TP53BP2: variants seen among roughly 807,000 people sequenced by gnomAD.
TP53BP2 encodes tumor protein p53 binding protein 2, also known as apoptosis-stimulating of p53 protein 2.
In TP53BP2, 62 loss-of-function variants were observed where a neutral mutation model predicts 126.2. The observed-to-expected ratio is 0.49, with a 90% CI of 0.40 to 0.61. TP53BP2 has a LOEUF of 0.61. TP53BP2 is among the 20% of genes least tolerant of loss of function. TP53BP2 has a pLI of 0.00. For missense variants in TP53BP2, 1,215 were observed against 1,402.8 expected, an observed-to-expected ratio of 0.87 and a Z score of 2.14; for synonymous variants, 485 against 502.9, an observed-to-expected ratio of 0.96 and a Z score of 0.48.
intron 2 of TP53BP2, among the ~76,000 whole-genome samples, chr1:223,816,831 G>A (rs1287981981): frequency 6.6e-6 from 1 of 150,480 alleles, no homozygotes; most frequent in Non-Finnish European, 1.5e-5. Context: ...ACATCATGTT[G>A]TATACCTTAA....
chr1:223,815,347 T>G (rs190268093), intron 2 of TP53BP2, among the ~76,000 whole-genome samples: 2 of 152,174 alleles, frequency 1.3e-5, no homozygotes, highest in African/African-American at 4.8e-5. Context: ...TGAGTTGACA[T>G]AGATAATCCC....
chr1:223,800,866 G>C (rs1442229911), intron 9 of TP53BP2, 56 bp from the exon 10 acceptor site: 4 of 1,254,538 alleles, frequency 3.2e-6, no homozygotes, highest in Non-Finnish European at 3.4e-6. Flanking sequence ...GATTTTTAAT[G>C]ATTTTTACTG....
In TP53BP2 at chr1:223,821,345, C is replaced by T. The variant is rs749482825; in HGVS notation, c.50G>A (p.Ser17Asn). ...TTCTGTGAAGTGCTGCTCATTGTTA[C>T]TGAGATACACGGTAAGAAACATCTA... ...MMPMFLTVYL[S>N]NNEQHFTEVP... Residue 17 changes from serine (S) to asparagine (N), a missense_variant, in exon 2 of 18, where the codon AGT (serine) becomes AAT (asparagine). This residue lies in a region of TP53BP2 where 814 missense variants were observed against 853.0 expected (regional missense o/e 0.95). Transcript: ENST00000343537. 6.2e-7 allele frequency: 1 copy of T among 1,614,036 alleles called. No individual in the cohort carries two copies. Among genetic ancestry groups the T allele is most frequent in the Admixed American group, 1.7e-5 (1 of 60,028 alleles).
At chr1:223,792,634 T>A in intron 14 of TP53BP2, 112 bp from the exon 15 acceptor site, 9 of 1,034,660 alleles carry the variant, frequency 8.7e-6, no homozygotes, top group Non-Finnish European at 1.2e-5. Context: ...GTGACACTTT[T>A]AAAAATCATA....
At chr1:223,782,558 C>T (rs573955948) in intron 17 of TP53BP2, among the ~76,000 whole-genome samples, 3 of 152,164 alleles carry the variant, frequency 2.0e-5, no homozygotes, top group Non-Finnish European at 4.4e-5. Flanking sequence ...TCTCGGCTCA[C>T]CACAACCTCT....
Position 223,845,852 on chromosome 1 carries a change from A to C in TP53BP2, c.-172T>G. On this transcript the variant is annotated 5_prime_UTR_variant, in exon 1 of 18. Coordinates refer to ENST00000343537, the MANE Select transcript of TP53BP2 (RefSeq NM_001031685.3). ...CCTCCGCGCGGGCTGGGGCACCAACAAGCCCCGGGCTCCCCCGCCCCGGCC... is the reference window on the plus strand; with the variant it reads ...CCTCCGCGCGGGCTGGGGCACCAACCAGCCCCGGGCTCCCCCGCCCCGGCC... The C allele has an allele frequency of 1.2e-5, 5 of 413,976 alleles. No homozygotes were observed. Among genetic ancestry groups the C allele is most frequent in the Non-Finnish European group, 1.2e-5 (3 of 260,540 alleles). 25.6% of individuals were successfully genotyped at this position (413,976 alleles called of 1,614,324 possible). A position where few individuals can be genotyped will look rare whatever the true frequency, so the allele number is the denominator to read the frequency against.
At position 223,798,567 on chromosome 1, in the gene TP53BP2, T is replaced by A. The variant is rs112223928; in HGVS notation, c.1596A>T (p.Pro532=). 3.1e-6 allele frequency: 5 copies of A among 1,614,212 alleles called. No homozygotes were observed. The highest frequency in any genetic ancestry group is 1.3e-5 in the African/African-American group (1 of 75,058). Residue 532 remains proline (P), a synonymous_variant, in exon 12 of 18, where the codon CCA becomes CCT. Transcript: ENST00000343537. ...QTNQPPSDIK[P]DGSSQQLSTV... ...TTGACAACTGCTGAGAACTTCCGTCTGGCTTAATGTCTGAAGGTGGCTGAT... is the reference window on the plus strand; with the variant it reads ...TTGACAACTGCTGAGAACTTCCGTCAGGCTTAATGTCTGAAGGTGGCTGAT...
intron 12 of TP53BP2, 57 bp downstream of exon 12, chr1:223,798,158 G>A: frequency 1.3e-6 from 2 of 1,501,208 alleles, no homozygotes; most frequent in Non-Finnish European, 1.8e-6. Context: ...GCTGAGGGAT[G>A]GCTTAAGTTC....
intron 13 of TP53BP2, 100 bp downstream of exon 13, chr1:223,795,715 A>G: frequency 8.5e-7 from 1 of 1,180,064 alleles, no homozygotes; most frequent in Non-Finnish European, 1.1e-6. Context: ...AGGGAATCGT[A>G]AAATAAAAAT....
intron 5 of TP53BP2, among the ~76,000 whole-genome samples, chr1:223,806,085 C>T (rs1427807241): frequency 1.4e-5 from 2 of 146,978 alleles, no homozygotes; most frequent in Non-Finnish European, 2.9e-5. Flanking sequence ...AAAGAATGTT[C>T]CCCAAATAAA....
At chr1:223,825,026 A>ACACACAC (rs1663440274) in intron 1 of TP53BP2, among the ~76,000 whole-genome samples, 1 of 143,470 alleles carries the variant, frequency 7.0e-6, no homozygotes, top group African/African-American at 2.6e-5. Flanking sequence ...TCCAACACCA[A>ACACACAC]ACACACACAC....
At chr1:223,783,470 TCTCA>T (rs1316268993) in intron 17 of TP53BP2, among the ~76,000 whole-genome samples, 1 of 152,216 alleles carries the variant, frequency 6.6e-6, no homozygotes, top group East Asian at 1.9e-4. Flanking sequence ...TGATCATTTC[TCTCA>T]CTCTTTCATA....
In TP53BP2 at chr1:223,784,251, G is replaced by C. The variant is rs1312455469; in HGVS notation, c.3227C>G (p.Pro1076Arg). 1 of 1,613,994 alleles carries C rather than the reference G, an allele frequency of 6.2e-7. No individual in the cohort carries two copies. The highest frequency in any genetic ancestry group is 1.7e-5 in the Admixed American group (1 of 59,996). ...CATGGGCAGCTCATCATCATTCTGA[G>C]GTTCATAATCCCAAAGCGCATAAAT... is the stretch of plus-strand genomic sequence containing the variant. ...GVIYALWDYE[P>R]QNDDELPMKE... Residue 1076 changes from proline to arginine, a missense_variant, in exon 17 of 18, where the codon CCT becomes CGT. Transcript: ENST00000343537.
rs776842497 is a variant in TP53BP2 at position 223,814,269 on chromosome 1, C to G, written c.260G>C (p.Arg87Pro). The stretch of plus-strand genomic sequence containing the variant: ...GTCCCTGCCAGGGGGGCGTTCATGA[C>G]GAAGGAAGAAGCGAACTTCGTTCCT... ...SQRNEVRFFL[R>P]HERPPGRDIV... The change falls in exon 3 of 18, where the codon CGT (arginine) becomes CCT (proline). Residue 87 changes from arginine (R) to proline (P), a missense_variant. Coordinates refer to ENST00000343537, the MANE Select transcript of TP53BP2 (RefSeq NM_001031685.3). 1 of 1,613,810 alleles carries G rather than the reference C, an allele frequency of 6.2e-7. No individual in the cohort carries two copies. Among genetic ancestry groups the G allele is most frequent in the East Asian group, 2.2e-5 (1 of 44,892 alleles).
chr1:223,809,321 C>T (rs1176757483), intron 4 of TP53BP2, among the ~76,000 whole-genome samples: 1 of 152,162 alleles, frequency 6.6e-6, no homozygotes, highest in Non-Finnish European at 1.5e-5. Flanking sequence ...AATCCCAGCA[C>T]TTTGGGAGGC....
At chr1:223,791,338 T>C (rs1285298096) in intron 15 of TP53BP2, among the ~76,000 whole-genome samples, 3 of 152,262 alleles carry the variant, frequency 2.0e-5, no homozygotes, top group South Asian at 4.1e-4. Context: ...ATATGAATGG[T>C]GTTTACCTGT....
rs181426987 is a variant in TP53BP2 at position 223,780,449 on chromosome 1, C to T, written c.*404G>A. 21 of 165,914 alleles carry T rather than the reference C, an allele frequency of 1.3e-4. No homozygotes were observed. Among genetic ancestry groups the T allele is most frequent in the Admixed American group, 6.8e-4 (11 of 16,214 alleles). The allele number at this position is 165,914 out of a possible 1,614,324, so 10.3% of individuals were successfully genotyped here. ...GGGACAATCAGAGACAGCGATGTGA[C>T]GGCACTGGTCCTTTCTGGCAGGAGG... On this transcript the variant is annotated 3_prime_UTR_variant, in exon 18 of 18. Transcript: ENST00000343537.
chr1:223,828,542 T>C (rs946094165), intron 1 of TP53BP2, among the ~76,000 whole-genome samples: 4 of 152,242 alleles, frequency 2.6e-5, no homozygotes, highest in Admixed American at 1.3e-4. Flanking sequence ...GAGACTGTTT[T>C]TCTTGGGTCA....
intron 16 of TP53BP2, among the ~76,000 whole-genome samples, chr1:223,786,581 C>CGTGTGT (rs61533251): frequency 0.18 from 25,290 of 144,232 alleles, 2,338 homozygotes; most frequent in Non-Finnish European, 0.22. Context: ...TGCGTGTGTG[C>CGTGTGT]GTGTGTGTGT....
Sources: gnomAD v4.1 joint callset for allele counts (sites outside exome capture counted in the v4.1 genomes callset) on GRCh38, gnomAD v4.1.1 for gene constraint, gnomAD v4.1.1 regional missense constraint, MANE v1.5 for transcripts, NCBI Gene and HGNC (gene_info 2026-07-23, HGNC 2026-07-21) for gene names.